The following USF1 variants were observed in gnomAD, a reference collection of about 807,000 sequenced individuals.
USF1 encodes the protein upstream stimulatory factor 1.
USF1 carries 22 observed loss-of-function variants against 46.3 expected under a neutral mutation model. That is an observed-to-expected ratio of 0.47 (90% CI 0.34 to 0.68). The LOEUF is 0.68. Among genes scored for constraint, USF1 ranks in the 30% least tolerant of loss-of-function variants. USF1 has a pLI of 0.01. For missense variants in USF1, 287 were observed against 399.3 expected, an observed-to-expected ratio of 0.72 and a Z score of 2.40; for synonymous variants, 150 against 147.0, an observed-to-expected ratio of 1.02 and a Z score of -0.15.
chr1:161,042,263 A>G, intron 4 of USF1, 46 bp from the exon 5 acceptor site: 1 of 1,569,904 alleles, frequency 6.4e-7, no homozygotes, highest in Non-Finnish European at 8.7e-7. Context: ...AGAAGAAAAG[A>G]TTAAGTGTTG....
chr1:161,040,139 G>T lies in USF1; in HGVS notation c.843+63C>A. 1 of 1,610,798 alleles carries T rather than the reference G, an allele frequency of 6.2e-7. No individual in the cohort carries two copies. The highest frequency in any genetic ancestry group is 1.1e-5 in the South Asian group (1 of 90,874). ...TTCTCCATGGAGAACAAAGTAGAGG[G>T]TGTCAAACTGGGTCAGTGGCTAGCA... On this transcript the variant is annotated intron_variant, in intron 10 of 10. Transcript: ENST00000368021. The surrounding 1 kb of genome is among the most constrained non-coding windows in gnomAD (Gnocchi z 4.0).
rs1374558430 is a variant in USF1 at position 161,040,257 on chromosome 1, T to C, written c.788A>G (p.Glu263Gly). 6.2e-7 allele frequency: 1 copy of C among 1,614,184 alleles called. No homozygotes were observed. Among genetic ancestry groups the C allele is most frequent in the Non-Finnish European group, 8.5e-7 (1 of 1,180,020 alleles). The change falls in exon 10 of 11, where the codon GAA becomes GGA. Residue 263 changes from glutamate (E) to glycine (G), a missense_variant. Coordinates refer to ENST00000368021, the MANE Select transcript of USF1 (RefSeq NM_007122.5). The surrounding 1 kb of genome is among the most constrained non-coding windows in gnomAD (Gnocchi z 4.0). ...CAGTTGGTCAAGTCCCTGCAGTTCT[T>C]CAGACAAGCGGTGGTTACTCTGCCG... Reference protein sequence around the residue: ...ELRQSNHRLSEELQGLDQLQL... With the variant: ...ELRQSNHRLSGELQGLDQLQL...
chr1:161,040,800 C>T lies in USF1; in HGVS notation c.619+14G>A, dbSNP rs1571046603. 1.9e-6 allele frequency: 3 copies of T among 1,613,974 alleles called. No homozygotes were observed. The African/African-American group carries it at 4.0e-5, about 22-fold the overall frequency. ...ACACCAGACAGCTTCTAGCTCCACC[C>T]AGATCATACCTACCTTCATTATGCT... On this transcript the variant is annotated intron_variant, in intron 8 of 10. Coordinates refer to ENST00000368021, the MANE Select transcript of USF1 (RefSeq NM_007122.5). The surrounding 1 kb of genome is among the most constrained non-coding windows in gnomAD (Gnocchi z 4.0).
intron 4 of USF1, 61 bp from the exon 5 acceptor site, chr1:161,042,278 T>C: frequency 6.6e-7 from 1 of 1,517,650 alleles, no homozygotes; most frequent in South Asian, 1.2e-5. Flanking sequence ...GTGTTGGGAA[T>C]CCTAGGGCCC....
intron 2 of USF1, 120 bp from the exon 3 acceptor site, chr1:161,043,002 GAAT>G: frequency 7.1e-7 from 1 of 1,405,424 alleles, no homozygotes; most frequent in Non-Finnish European, 1.0e-6. Context: ...GGTTAGGTTA[GAAT>G]AACAACTAGT....
chr1:161,042,303 C>G, intron 4 of USF1, 86 bp from the exon 5 acceptor site: 1 of 1,378,800 alleles, frequency 7.3e-7, no homozygotes. Flanking sequence ...TAAAGCTTCC[C>G]TTGGATAGGG....
In USF1 at chr1:161,040,460, A is replaced by C; in HGVS notation, c.714+116T>G. On this transcript the variant is annotated intron_variant, in intron 9 of 10. Transcript: ENST00000368021. This position sits in a 1 kb window ranked among gnomAD's most constrained non-coding sequence, Gnocchi z 4.0. ...GTATAATATCTCCCAGGGATACAGG[A>C]ACCTCAGGGAGAGATAAGACTACTG... 1 of 1,552,430 alleles carries C rather than the reference A, an allele frequency of 6.4e-7. No individual in the cohort carries two copies. The highest frequency in any genetic ancestry group is 2.3e-5 in the East Asian group (1 of 44,392).
chr1:161,039,832 G>T lies in USF1; in HGVS notation c.*88C>A. 1 of 1,357,140 alleles carries T rather than the reference G, an allele frequency of 7.4e-7. No individual in the cohort carries two copies. 84.1% of individuals were successfully genotyped at this position (1,357,140 alleles called of 1,614,324 possible). A position where few individuals can be genotyped will look rare whatever the true frequency, so the allele number is the denominator to read the frequency against. ...CTTCCCCCTGTCCCATGCCAGAAGT[G>T]GGGCAGTGAAGGAAAGGGGCACGGG... is the stretch of plus-strand genomic sequence containing the variant. On this transcript the variant is annotated 3_prime_UTR_variant, in exon 11 of 11. Transcript: ENST00000368021.
chr1:161,041,947 G>C (rs1369203933), intron 5 of USF1, 101 bp from the exon 6 acceptor site: 1 of 322,694 alleles, frequency 3.1e-6, no homozygotes, highest in East Asian at 1.4e-4. Flanking sequence ...AGGTAGGGTG[G>C]AGAGAGAGAG....
At position 161,040,918 on chromosome 1, in the gene USF1, T is replaced by C; in HGVS notation, c.561-46A>G. On this transcript the variant is annotated intron_variant, in intron 7 of 10. Coordinates refer to ENST00000368021, the MANE Select transcript of USF1 (RefSeq NM_007122.5). The surrounding 1 kb of genome is among the most constrained non-coding windows in gnomAD (Gnocchi z 4.0). Reference sequence around the variant, plus strand: ...GGCCAGAGTAAGAAGACAAAATACATGATTGAAGTTTGGGGTTAAGGAATT... The same window carrying C: ...GGCCAGAGTAAGAAGACAAAATACACGATTGAAGTTTGGGGTTAAGGAATT... 10 of 1,611,934 alleles carry C rather than the reference T, an allele frequency of 6.2e-6. No homozygotes were observed. Among genetic ancestry groups the C allele is most frequent in the Non-Finnish European group, 8.5e-6 (10 of 1,178,730 alleles).
chr1:161,044,690 A>G (rs2102016222), intron 1 of USF1, among the ~76,000 whole-genome samples: 1 of 42,996 alleles, frequency 2.3e-5, no homozygotes, highest in South Asian at 7.7e-4. Flanking sequence ...AGAAGGGGTA[A>G]AAAAAAAAAA....
chr1:161,042,287 C>A, intron 4 of USF1, 70 bp from the exon 5 acceptor site: 5 of 1,483,518 alleles, frequency 3.4e-6, no homozygotes, highest in Non-Finnish European at 4.6e-6. Context: ...ATCCTAGGGC[C>A]CCTCATAAAG....
intron 3 of USF1, 57 bp from the exon 4 acceptor site, chr1:161,042,727 C>A: frequency 6.2e-7 from 1 of 1,610,492 alleles, no homozygotes; most frequent in Non-Finnish European, 8.5e-7. Context: ...TACCCCCGTT[C>A]CATTTGCATG....
chr1:161,045,591 G>C (rs769363100), intron 1 of USF1, among the ~76,000 whole-genome samples: 7 of 152,206 alleles, frequency 4.6e-5, no homozygotes, highest in Admixed American at 2.0e-4. Flanking sequence ...GGGCCTCGGG[G>C]ACTAGGGAGC....
At position 161,040,493 on chromosome 1, in the gene USF1, T is replaced by C. The variant is rs17215359; in HGVS notation, c.714+83A>G. ...GGAGAGATAAGACTACTGTCATGTGTGCCCCTCTCTCTACCATTTCTGGAA... is the reference window on the plus strand; with the variant it reads ...GGAGAGATAAGACTACTGTCATGTGCGCCCCTCTCTCTACCATTTCTGGAA... On this transcript the variant is annotated intron_variant, in intron 9 of 10. Transcript: ENST00000368021. The surrounding 1 kb of genome is among the most constrained non-coding windows in gnomAD (Gnocchi z 4.0). 2,659 of 1,565,410 alleles carry C rather than the reference T, an allele frequency of 1.7e-3. 4 individuals are homozygous for C. The highest frequency in any genetic ancestry group is 1.8e-3 in the Non-Finnish European group (2,072 of 1,150,154).
intron 4 of USF1, 142 bp from the exon 5 acceptor site, chr1:161,042,359 T>G: frequency 9.4e-7 from 1 of 1,058,874 alleles, no homozygotes; most frequent in Admixed American, 2.5e-5. Flanking sequence ...CCATTCTCCC[T>G]TCTTTCCCCA....
At chr1:161,041,005 T>C in intron 7 of USF1, 133 bp from the exon 8 acceptor site, 1 of 1,145,662 alleles carries the variant, frequency 8.7e-7, no homozygotes, top group South Asian at 1.5e-5. Context: ...CTCACACCTG[T>C]AATCCCAGCA....
rs1650654625 is a variant in USF1, at chr1:161,043,367, G to T, written c.-85-7C>A. ...CAGGCCTGAGTGCTAAGTCCTGGTA[G>T]AAATCATGAAGTTTGCAATGAGTTT... is the stretch of plus-strand genomic sequence containing the variant. On this transcript the variant is annotated splice_region_variant and splice_polypyrimidine_tract_variant and intron_variant, in intron 1 of 10. Transcript: ENST00000368021. The T allele has an allele frequency of 1.3e-6, 2 of 1,598,502 alleles. No homozygotes were observed. The highest frequency in any genetic ancestry group is 1.7e-6 in the Non-Finnish European group (2 of 1,169,366).
rs763506914 is a variant in USF1, at chr1:161,042,602, G to T, written c.127C>A (p.Pro43Thr). The change falls in exon 4 of 11, where the codon CCT becomes ACT. Residue 43 changes from proline to threonine, a missense_variant. Physicochemically the swap from Pro to Thr is conservative, Grantham distance 38 (BLOSUM62 -1). Coordinates refer to ENST00000368021, the MANE Select transcript of USF1 (RefSeq NM_007122.5). ...AAGACGTACTTGACGTTGGGGTCAG[G>T]GAAGGTGGCAGCTGACTGGATGCTG... ...IASIQSAATF[P>T]DPNVKYVFRT... 1 of 1,614,218 alleles carries T rather than the reference G, an allele frequency of 6.2e-7. No individual in the cohort carries two copies. Among genetic ancestry groups the T allele is most frequent in the Non-Finnish European group, 8.5e-7 (1 of 1,180,036 alleles).
Sources: allele counts gnomAD v4.1 joint callset (sites outside exome capture counted in the v4.1 genomes callset), GRCh38; gene constraint gnomAD v4.1.1; non-coding constraint Gnocchi (gnomAD v3.1); transcripts MANE v1.5; gene names NCBI Gene and HGNC (gene_info 2026-07-23, HGNC 2026-07-21).